The following CUL3 variants were observed in gnomAD, a reference collection of about 807,000 sequenced individuals.
The protein encoded by CUL3 is cullin-3.
A neutral mutation model predicts 89.1 loss-of-function variants in CUL3; 19 were observed. The ratio of observed to expected loss-of-function variants is 0.21; its 90% confidence interval spans 0.15 to 0.31. The LOEUF is 0.31. CUL3 is among the 10% of genes least tolerant of loss of function. CUL3 has a pLI of 1.00. For synonymous variants in CUL3, 351 were observed against 308.4 expected (o/e 1.14, Z -1.45); for missense variants, 469 against 942.3 (o/e 0.50, Z 6.58).
Position 224,584,892 on chromosome 2 carries a change from C to T in CUL3, c.66+52G>A, listed in dbSNP as rs550043684. On this transcript the variant is annotated intron_variant, in intron 1 of 15. Coordinates refer to ENST00000264414, the MANE Select transcript of CUL3 (RefSeq NM_003590.5). Reference sequence around the variant, plus strand: ...ACTTCAGCCCGGGCCTCGCGTGCGGCTCTCGGCCCGGCCCCCGGCCCCGGG... The same window carrying T: ...ACTTCAGCCCGGGCCTCGCGTGCGGTTCTCGGCCCGGCCCCCGGCCCCGGG... 5.4e-5 allele frequency: 75 copies of T among 1,384,838 alleles called. 1 individual carries two copies. In the African/African-American group the frequency reaches 9.5e-4, roughly 18 times the overall value. 85.8% of individuals were successfully genotyped at this position (1,384,838 alleles called of 1,614,324 possible).
intron 3 of CUL3, among the ~76,000 whole-genome samples, chr2:224,521,538 C>T (rs1693262611): frequency 3.9e-5 from 6 of 151,940 alleles, no homozygotes. Flanking sequence ...TCAAGTGATC[C>T]TCCTGCCTCA....
intron 1 of CUL3, among the ~76,000 whole-genome samples, chr2:224,577,498 G>A (rs1413639113): frequency 6.6e-6 from 1 of 151,892 alleles, no homozygotes; most frequent in Non-Finnish European, 1.5e-5. Flanking sequence ...GAACCCGGGA[G>A]GTGGAGCTTG....
intron 1 of CUL3, among the ~76,000 whole-genome samples, chr2:224,579,192 C>T (rs1378540553): frequency 7.9e-5 from 12 of 152,050 alleles, no homozygotes; most frequent in African/African-American, 2.2e-4. Context: ...CATAGTAGTA[C>T]TAACAGCTAT....
chr2:224,476,405 A>G (rs1431510441), intron 15 of CUL3, among the ~76,000 whole-genome samples: 1 of 152,158 alleles, frequency 6.6e-6, no homozygotes, highest in African/African-American at 2.4e-5. Context: ...ACTAACACAA[A>G]TTTATAGTAT....
chr2:224,514,784 G>A lies in CUL3; in HGVS notation c.379-12C>T. 5 of 1,587,454 alleles carry A rather than the reference G, an allele frequency of 3.1e-6. No homozygotes were observed. Among genetic ancestry groups the A allele is most frequent in the Middle Eastern group, 1.7e-4 (1 of 5,994 alleles). ...ACATACACACGGTCCTACAGTTAAA[G>A]TCATATAAATATGAGTACAGTTCTT... On this transcript the variant is annotated splice_polypyrimidine_tract_variant and intron_variant, in intron 3 of 15. Coordinates refer to ENST00000264414, the MANE Select transcript of CUL3 (RefSeq NM_003590.5).
At chr2:224,494,833 G>C (rs927758830) in intron 13 of CUL3, among the ~76,000 whole-genome samples, 9 of 152,038 alleles carry the variant, frequency 5.9e-5, no homozygotes, top group Non-Finnish European at 1.2e-4. Flanking sequence ...ATTCAGGGTA[G>C]GCAATAATTT....
chr2:224,548,797 A>G (rs1216031157), intron 2 of CUL3, among the ~76,000 whole-genome samples: 2 of 151,480 alleles, frequency 1.3e-5, no homozygotes, highest in Non-Finnish European at 2.9e-5. Context: ...CTGGAGTTCG[A>G]GACCAGCCTG....
At chr2:224,572,480 T>TA (rs777832978) in intron 1 of CUL3, among the ~76,000 whole-genome samples, 1,949 of 133,046 alleles carry the variant, frequency 0.015, 27 homozygotes, top group African/African-American at 0.038. Flanking sequence ...CCCTGTCTCT[T>TA]AAAAAAAAAA....
At chr2:224,529,236 T>A (rs1395365962) in intron 3 of CUL3, among the ~76,000 whole-genome samples, 1 of 152,158 alleles carries the variant, frequency 6.6e-6, no homozygotes, top group East Asian at 1.9e-4. Context: ...CAATCATTAA[T>A]CATTTGAATA....
In CUL3 at chr2:224,500,604, TA is replaced by T. The variant is rs1402526096; in HGVS notation, c.1486-118del. ...TTAGCTCCATGTCTAATATCTAATT[TA>T]AAAAAAAGCAGATTTTCTTTTCTTT... On this transcript the variant is annotated intron_variant, in intron 10 of 15. Coordinates refer to ENST00000264414, the MANE Select transcript of CUL3 (RefSeq NM_003590.5). 25 of 851,876 alleles carry T rather than the reference TA, an allele frequency of 2.9e-5. No homozygotes were observed. The East Asian group carries it at 4.6e-4, about 16-fold the overall frequency. 52.8% of individuals were successfully genotyped at this position (851,876 alleles called of 1,614,324 possible). A position where few individuals can be genotyped will look rare whatever the true frequency, so the allele number is the denominator to read the frequency against.
rs536790634 is a variant in CUL3 at position 224,471,382 on chromosome 2, A to C, written c.*2863T>G. 7.6e-5 allele frequency: 15 copies of C among 198,392 alleles called. No individual in the cohort carries two copies. In the South Asian group the frequency reaches 9.6e-4, roughly 13 times the overall value. 12.3% of individuals were successfully genotyped at this position (198,392 alleles called of 1,614,324 possible). On this transcript the variant is annotated 3_prime_UTR_variant, in exon 16 of 16. Transcript: ENST00000264414. ...TTAAAACTGCTTTCCAAATTAAGGAATTAAATAATATTTAGAAACCTAAGA... is the reference window on the plus strand; with the variant it reads ...TTAAAACTGCTTTCCAAATTAAGGACTTAAATAATATTTAGAAACCTAAGA...
chr2:224,581,814 C>A (rs1404460774), intron 1 of CUL3, among the ~76,000 whole-genome samples: 1 of 151,796 alleles, frequency 6.6e-6, no homozygotes, highest in Non-Finnish European at 1.5e-5. Flanking sequence ...TCACCTTGCC[C>A]GGCCGAGTGC....
At position 224,585,068 on chromosome 2, in the gene CUL3, A is replaced by C; in HGVS notation, c.-59T>G. 1 of 1,383,554 alleles carries C rather than the reference A, an allele frequency of 7.2e-7. No individual in the cohort carries two copies. The highest frequency in any genetic ancestry group is 9.7e-7 in the Non-Finnish European group (1 of 1,033,560). 85.7% of individuals were successfully genotyped at this position (1,383,554 alleles called of 1,614,324 possible). On this transcript the variant is annotated 5_prime_UTR_variant, in exon 1 of 16. The change abolishes an upstream ATG in the 5' untranslated region. Transcript: ENST00000264414. Reference sequence around the variant, plus strand: ...TCGCGCTCCGCGACGCCGGTGTCACATTTAAGGCGGGCAGGCAGGCTAGGG... The same window carrying C: ...TCGCGCTCCGCGACGCCGGTGTCACCTTTAAGGCGGGCAGGCAGGCTAGGG...
intron 1 of CUL3, among the ~76,000 whole-genome samples, chr2:224,563,513 T>TA (rs1355729361): frequency 5.9e-5 from 9 of 152,222 alleles, no homozygotes; most frequent in African/African-American, 2.2e-4. Context: ...GTCCATATCT[T>TA]AAAGAAGATA....
chr2:224,528,137 TTATC>T (rs750099687), intron 3 of CUL3, among the ~76,000 whole-genome samples: 84 of 152,334 alleles, frequency 5.5e-4, no homozygotes, highest in African/African-American at 2.0e-3. Flanking sequence ...AATTTGTGGT[TTATC>T]TATTCTCTTA....
chr2:224,482,209 C>A (rs954505253), intron 13 of CUL3, 131 bp from the exon 14 acceptor site: 16 of 609,334 alleles, frequency 2.6e-5, no homozygotes, highest in African/African-American at 5.8e-5. Context: ...AAAAAGAATT[C>A]TCTTGAGTAC....
chr2:224,501,873 T>C (rs888549014), intron 10 of CUL3, among the ~76,000 whole-genome samples: 6 of 152,096 alleles, frequency 3.9e-5, no homozygotes, highest in East Asian at 1.9e-4. Flanking sequence ...AAGAAAAAAA[T>C]TTAAAAACTT....
At position 224,513,760 on chromosome 2, in the gene CUL3, C is replaced by T. The variant is rs1003909200; in HGVS notation, c.540-122G>A. 7.9e-6 allele frequency: 5 copies of T among 630,460 alleles called. No individual in the cohort carries two copies. The African/African-American group carries it at 9.4e-5, about 12-fold the overall frequency. The allele number at this position is 630,460 out of a possible 1,614,324, so 39.1% of individuals were successfully genotyped here. A position where few individuals can be genotyped will look rare whatever the true frequency, so the allele number is the denominator to read the frequency against. The stretch of plus-strand genomic sequence containing the variant: ...TTTAACTCTTACTGAAGTGACCAAT[C>T]TCCAATAGGCCACTCATGTAAAACG... On this transcript the variant is annotated intron_variant, in intron 4 of 15. Coordinates refer to ENST00000264414, the MANE Select transcript of CUL3 (RefSeq NM_003590.5).
intron 1 of CUL3, among the ~76,000 whole-genome samples, chr2:224,572,956 G>A (rs1326950845): frequency 6.6e-6 from 1 of 152,100 alleles, no homozygotes; most frequent in East Asian, 1.9e-4. Context: ...CAGTCTGCAG[G>A]ATTTTGTTAT....
Sources: gnomAD v4.1 joint callset for allele counts (sites outside exome capture counted in the v4.1 genomes callset) on GRCh38, gnomAD v4.1.1 for gene constraint, MANE v1.5 for transcripts, NCBI Gene and HGNC (gene_info 2026-07-23, HGNC 2026-07-21) for gene names.